The following SGCZ variants were observed in gnomAD, a reference collection of about 807,000 sequenced individuals.
SGCZ encodes the protein zeta-sarcoglycan.
SGCZ carries 40 observed loss-of-function variants against 41.3 expected under a neutral mutation model. That is an observed-to-expected ratio of 0.97 (90% CI 0.75 to 1.26). SGCZ has a LOEUF of 1.26. Among genes scored for constraint, SGCZ ranks in the 50% most tolerant of loss-of-function variants. SGCZ has a pLI of 0.00. For synonymous variants in SGCZ, 206 were observed against 137.5 expected, an observed-to-expected ratio of 1.50 and a Z score of -3.49; for missense variants, 552 against 369.8, an observed-to-expected ratio of 1.49 and a Z score of -4.04.
chr8:15,101,967 G>A (rs1806631659), intron 1 of SGCZ, among the ~76,000 whole-genome samples: 1 of 152,088 alleles, frequency 6.6e-6, no homozygotes, highest in Non-Finnish European at 1.5e-5. Flanking sequence ...AGAGAGTTTG[G>A]CAGTTTTCTA....
chr8:14,199,725 T>C (rs1426370193), intron 4 of SGCZ, among the ~76,000 whole-genome samples: 2 of 152,114 alleles, frequency 1.3e-5, no homozygotes, highest in Admixed American at 6.5e-5. Context: ...CTACGTGAAA[T>C]ATCAGGAGTG....
intron 4 of SGCZ, among the ~76,000 whole-genome samples, chr8:14,166,369 A>C (rs1473121712): frequency 6.6e-6 from 1 of 152,118 alleles, no homozygotes; most frequent in Non-Finnish European, 1.5e-5. Flanking sequence ...ATTTGTTCTA[A>C]TCATAGTCTA....
intron 1 of SGCZ, among the ~76,000 whole-genome samples, chr8:15,081,549 AAAG>A (rs1805747915): frequency 1.3e-5 from 2 of 149,646 alleles, no homozygotes; most frequent in Admixed American, 1.3e-4. Flanking sequence ...AAGAGGTGAA[AAAG>A]AAGGTTTGAA....
intron 5 of SGCZ, among the ~76,000 whole-genome samples, chr8:14,125,014 G>A (rs1024516348): frequency 2.0e-5 from 3 of 152,064 alleles, no homozygotes; most frequent in Admixed American, 1.3e-4. Context: ...CAAGCAGAGA[G>A]CTAAATTATG....
intron 2 of SGCZ, among the ~76,000 whole-genome samples, chr8:14,395,958 G>A (rs1026631662): frequency 6.6e-6 from 1 of 152,198 alleles, no homozygotes; most frequent in East Asian, 1.9e-4. Flanking sequence ...ATCAAACTAA[G>A]AGTTAAAGTG....
intron 1 of SGCZ, among the ~76,000 whole-genome samples, chr8:15,073,042 G>T (rs1388280285): frequency 6.6e-6 from 1 of 152,100 alleles, no homozygotes; most frequent in Non-Finnish European, 1.5e-5. Flanking sequence ...TGTTTTAAGG[G>T]CAGAGACATG....
At chr8:14,212,292 G>A (rs1198240199) in intron 4 of SGCZ, among the ~76,000 whole-genome samples, 2 of 151,928 alleles carry the variant, frequency 1.3e-5, no homozygotes, top group African/African-American at 4.8e-5. Context: ...AACCTACCAG[G>A]GGAGCAACTC....
chr8:15,018,711 C>A (rs776687602), intron 1 of SGCZ, among the ~76,000 whole-genome samples: 4 of 152,168 alleles, frequency 2.6e-5, no homozygotes, highest in Admixed American at 6.5e-5. Flanking sequence ...AAGTTGGAAG[C>A]CACTGGAAGG....
intron 1 of SGCZ, among the ~76,000 whole-genome samples, chr8:14,566,017 C>T (rs940816810): frequency 1.3e-5 from 2 of 152,016 alleles, no homozygotes; most frequent in Admixed American, 6.6e-5. Flanking sequence ...ATGGGAAATT[C>T]GTTCTGCTTT....
intron 1 of SGCZ, among the ~76,000 whole-genome samples, chr8:14,746,760 G>GT (rs1256319220): frequency 6.6e-6 from 1 of 152,132 alleles, no homozygotes; most frequent in South Asian, 2.1e-4. Context: ...GAACATTGGG[G>GT]TTTTTTGTGT....
intron 1 of SGCZ, among the ~76,000 whole-genome samples, chr8:14,569,114 T>A (rs955598002): frequency 2.6e-5 from 4 of 152,180 alleles, no homozygotes; most frequent in Admixed American, 2.6e-4. Flanking sequence ...ATAACCCCCA[T>A]GTCTGAATCA....
chr8:14,525,456 G>T (rs1802918458), intron 2 of SGCZ, among the ~76,000 whole-genome samples: 1 of 151,942 alleles, frequency 6.6e-6, no homozygotes, highest in African/African-American at 2.4e-5. Flanking sequence ...TCATCTTTCG[G>T]TGACACTTTT....
At chr8:14,870,172 A>T (rs540477188) in intron 1 of SGCZ, among the ~76,000 whole-genome samples, 1 of 152,314 alleles carries the variant, frequency 6.6e-6, no homozygotes, top group South Asian at 2.1e-4. Context: ...ACTTCAAACT[A>T]TGATACAAGG....
Position 14,092,372 on chromosome 8 carries a change from G to C in SGCZ, c.745-1735C>G, listed in dbSNP as rs1290335488. Among the ~76,000 whole-genome samples, 10 of 152,206 alleles carry C rather than the reference G, an allele frequency of 6.6e-5. No homozygotes were observed. The East Asian group carries it at 1.9e-3, about 30-fold the overall frequency. On this transcript the variant is annotated intron_variant, in intron 7 of 7. Coordinates refer to ENST00000382080, the MANE Select transcript of SGCZ (RefSeq NM_139167.4). Reference sequence around the variant, plus strand: ...GTGTGAAGAATGTCAATAGTAGCTTGATGGAGATATCATTGAATCTATAAA... The same window carrying C: ...GTGTGAAGAATGTCAATAGTAGCTTCATGGAGATATCATTGAATCTATAAA...
At chr8:15,173,526 G>T (rs1783539407) in intron 1 of SGCZ, among the ~76,000 whole-genome samples, 1 of 152,172 alleles carries the variant, frequency 6.6e-6, no homozygotes, top group South Asian at 2.1e-4. Context: ...ATGGAGGAGT[G>T]CCTTGTATAT....
intron 1 of SGCZ, among the ~76,000 whole-genome samples, chr8:15,080,736 G>A (rs943504066): frequency 1.3e-5 from 2 of 152,024 alleles, no homozygotes; most frequent in African/African-American, 2.4e-5. Flanking sequence ...GATTACAGGT[G>A]CCTGTCACCA....
At chr8:14,130,015 A>G (rs1463881221) in intron 5 of SGCZ, among the ~76,000 whole-genome samples, 1 of 152,226 alleles carries the variant, frequency 6.6e-6, no homozygotes, top group Non-Finnish European at 1.5e-5. Context: ...AATGATTATC[A>G]GTCAAAATAA....
chr8:14,475,020 G>T (rs1414706816), intron 2 of SGCZ, among the ~76,000 whole-genome samples: 1 of 152,126 alleles, frequency 6.6e-6, no homozygotes, highest in Non-Finnish European at 1.5e-5. Flanking sequence ...CTCCAATCTA[G>T]CATCAGGCTG....
intron 2 of SGCZ, among the ~76,000 whole-genome samples, chr8:14,424,920 C>T (rs762140267): frequency 1.3e-5 from 2 of 152,112 alleles, no homozygotes; most frequent in African/African-American, 2.4e-5. Flanking sequence ...AGTTTAGCCT[C>T]TCATACTAAG....
Sources: allele counts gnomAD v4.1 joint callset (sites outside exome capture counted in the v4.1 genomes callset), GRCh38; gene constraint gnomAD v4.1.1; transcripts MANE v1.5; gene names NCBI Gene and HGNC (gene_info 2026-07-23, HGNC 2026-07-21).